RARB: variants seen among roughly 807,000 people sequenced by gnomAD.
RARB encodes the protein HBV-activated protein.
In RARB, 17 loss-of-function variants were observed where a neutral mutation model predicts 51.9. The ratio of observed to expected loss-of-function variants is 0.33; its 90% CI spans 0.22 to 0.49. The LOEUF (loss-of-function observed/expected upper bound fraction) is 0.49. Among genes scored for constraint, RARB ranks in the 20% least tolerant of loss-of-function variants. The probability of loss-of-function intolerance (pLI) is 0.99; values close to 1 mark genes in which losing one functional copy is unlikely to be tolerated. For synonymous variants in RARB, 215 were observed against 195.4 expected (o/e 1.10, Z -0.84); for missense variants, 369 against 550.8 (o/e 0.67, Z 3.30).
At chr3:24,876,176 TC>T (rs1432217323) in intron 2 of RARB, among the ~76,000 whole-genome samples, 1 of 152,186 alleles carries the variant, frequency 6.6e-6, no homozygotes. Flanking sequence ...TAGTGGTTTC[TC>T]CACTCTGAAG....
At chr3:25,023,697 G>A (rs910053192) in intron 2 of RARB, among the ~76,000 whole-genome samples, 3 of 152,204 alleles carry the variant, frequency 2.0e-5, no homozygotes, top group Admixed American at 1.3e-4. Context: ...GTGGATGTTT[G>A]TATGTGAGAC....
chr3:25,205,393 C>A (rs528542244), intron 5 of RARB, among the ~76,000 whole-genome samples: 1 of 152,060 alleles, frequency 6.6e-6, no homozygotes, highest in Non-Finnish European at 1.5e-5. Context: ...AATGCCTCAC[C>A]CTGCTTTGGC....
intron 2 of RARB, among the ~76,000 whole-genome samples, chr3:25,029,557 G>A (rs1401919634): frequency 1.3e-5 from 2 of 152,152 alleles, no homozygotes; most frequent in African/African-American, 4.8e-5. Flanking sequence ...CTTCACTGAT[G>A]AGCCTTCTTA....
At position 24,958,255 on chromosome 3, in the gene RARB, G is replaced by GTTTTGTTTTT. The variant is rs1314564374; in HGVS notation, c.-380+99507_-380+99508insGTTTTTTTTT. Among the ~76,000 whole-genome samples, 130 of 69,438 alleles carry GTTTTGTTTTT rather than the reference G, an allele frequency of 1.9e-3. 11 individuals are homozygous for GTTTTGTTTTT. The highest frequency in any genetic ancestry group is 2.8e-3 in the Non-Finnish European group (93 of 33,286). The allele number at this position is 69,438 out of a possible 152,430, so 45.6% of individuals were successfully genotyped here. A position where few individuals can be genotyped will look rare whatever the true frequency, so the allele number is the denominator to read the frequency against. On this transcript the variant is annotated intron_variant, in intron 2 of 11. Coordinates refer to the RARB transcript ENST00000383772. ...ACCTGAAGCTTCCTGAGCTGCTCAGGTTTTTTTTTTTTTTTTTTTTTTTTT... is the reference window on the plus strand; with the variant it reads ...ACCTGAAGCTTCCTGAGCTGCTCAGGTTTTGTTTTTTTTTTTTTTTTTTTTTTTTTTTTTT...
chr3:25,262,809 C>A (rs1703035976), intron 5 of RARB, among the ~76,000 whole-genome samples: 3 of 152,134 alleles, frequency 2.0e-5, no homozygotes, highest in African/African-American at 7.2e-5. Context: ...AGGACTTGGA[C>A]ATCTTTGGAG....
intron 3 of RARB, among the ~76,000 whole-genome samples, chr3:25,513,883 C>G (rs1326017910): frequency 6.6e-6 from 1 of 152,136 alleles, no homozygotes; most frequent in African/African-American, 2.4e-5. Flanking sequence ...GCCTTACATT[C>G]TAAACTGGAA....
chr3:25,010,967 T>A (rs956236247), intron 2 of RARB, among the ~76,000 whole-genome samples: 1 of 152,134 alleles, frequency 6.6e-6, no homozygotes, highest in Non-Finnish European at 1.5e-5. Flanking sequence ...TCTTTTCACA[T>A]CCCTGCAATG....
intron 5 of RARB, among the ~76,000 whole-genome samples, chr3:25,221,454 A>T (rs559755323): frequency 9.9e-5 from 15 of 152,164 alleles, no homozygotes; most frequent in Non-Finnish European, 1.9e-4. Context: ...AACTAATAAT[A>T]ATCGTGGTAG....
intron 5 of RARB, among the ~76,000 whole-genome samples, chr3:25,196,649 G>A (rs888197341): frequency 1.3e-5 from 2 of 152,132 alleles, no homozygotes; most frequent in African/African-American, 2.4e-5. Flanking sequence ...TCGCCACACT[G>A]TCTTCCACAA....
intron 5 of RARB, among the ~76,000 whole-genome samples, chr3:25,227,095 A>G (rs1450463584): frequency 6.6e-6 from 1 of 152,232 alleles, no homozygotes; most frequent in African/African-American, 2.4e-5. Context: ...CTTAGGAGAC[A>G]TGCAGGGCTG....
At chr3:24,879,273 C>CA (rs1703108524) in intron 2 of RARB, among the ~76,000 whole-genome samples, 1 of 151,476 alleles carries the variant, frequency 6.6e-6, no homozygotes. Flanking sequence ...ACTAAAAATA[C>CA]AAAAAATTAG....
In RARB at chr3:25,287,085, C is replaced by A. The variant is rs558197746; in HGVS notation, c.178+112510C>A. 3.9e-5 allele frequency among the ~76,000 whole-genome samples: 6 copies of A among 152,264 alleles called. No individual in the cohort carries two copies. In the South Asian group the frequency reaches 1.2e-3, roughly 32 times the overall value. On this transcript the variant is annotated intron_variant, in intron 5 of 11. Transcript: ENST00000383772. Reference sequence around the variant, plus strand: ...TTGTTTCTATGTGACTCAATTTTGTCATTTATACACCACATAAACTAATTC... The same window carrying A: ...TTGTTTCTATGTGACTCAATTTTGTAATTTATACACCACATAAACTAATTC...
intron 4 of RARB, among the ~76,000 whole-genome samples, chr3:25,170,288 C>A (rs1700622773): frequency 6.6e-6 from 1 of 152,156 alleles, no homozygotes; most frequent in Non-Finnish European, 1.5e-5. Context: ...ACCACAGTCT[C>A]AAATATTCAC....
chr3:25,107,371 G>A (rs1699527130), intron 3 of RARB, among the ~76,000 whole-genome samples: 1 of 152,218 alleles, frequency 6.6e-6, no homozygotes, highest in East Asian at 1.9e-4. Context: ...GAGGTTCTGA[G>A]AGGGGCCTTT....
In RARB at chr3:25,094,716, C is replaced by CAAAAAAAAAAAA. The variant is rs57477720; in HGVS notation, c.-328+34554_-328+34565dup. Among the ~76,000 whole-genome samples the CAAAAAAAAAAAA allele has an allele frequency of 2.7e-3, 118 of 43,098 alleles. 5 individuals are homozygous for CAAAAAAAAAAAA. The highest frequency in any genetic ancestry group is 4.1e-3 in the Non-Finnish European group (105 of 25,442). The allele number at this position is 43,098 out of a possible 152,430, so 28.3% of individuals were successfully genotyped here. ...TGGGAGACAGAGTGAGACCCCATCT[C>CAAAAAAAAAAAA]AAAAAAAAAAAAAAAAAAAAAAAAA... On this transcript the variant is annotated intron_variant, in intron 3 of 11. Transcript: ENST00000383772.
intron 2 of RARB, among the ~76,000 whole-genome samples, chr3:24,993,702 A>C (rs1440368067): frequency 6.6e-6 from 1 of 151,946 alleles, no homozygotes; most frequent in Non-Finnish European, 1.5e-5. Context: ...CCTCTGTTCT[A>C]CTTTTTACAT....
intron 1 of RARB, among the ~76,000 whole-genome samples, chr3:24,837,388 T>C (rs1048477570): frequency 1.3e-5 from 2 of 152,228 alleles, no homozygotes; most frequent in Non-Finnish European, 2.9e-5. Context: ...ACAAAGAAGA[T>C]CCCAAATTGA....
chr3:24,993,940 A>G (rs1182615811), intron 2 of RARB, among the ~76,000 whole-genome samples: 1 of 152,096 alleles, frequency 6.6e-6, no homozygotes, highest in Non-Finnish European at 1.5e-5. Flanking sequence ...TATCTTGGCT[A>G]TTGTGAATAG....
intron 2 of RARB, among the ~76,000 whole-genome samples, chr3:24,968,500 C>G (rs1696326216): frequency 6.6e-6 from 1 of 152,084 alleles, no homozygotes; most frequent in South Asian, 2.1e-4. Context: ...CTGGACAGTT[C>G]TGGGCTGGGA....
Sources: gnomAD v4.1 joint callset for allele counts (sites outside exome capture counted in the v4.1 genomes callset) on GRCh38, gnomAD v4.1.1 for gene constraint, MANE v1.5 for transcripts, NCBI Gene and HGNC (gene_info 2026-07-23, HGNC 2026-07-21) for gene names.